Variants in KCNK2 observed in about 807,000 individuals in gnomAD.
KCNK2 encodes the protein potassium two pore domain channel subfamily K member 2.
Under a neutral mutation model 40.5 loss-of-function variants are expected in KCNK2, and 21 were observed. The observed-to-expected ratio is 0.52, with a 90% confidence interval of 0.37 to 0.75. The LOEUF (loss-of-function observed/expected upper bound fraction) is 0.75. Ranked by LOEUF, KCNK2 falls within the 30% of genes least tolerant of loss-of-function variation. KCNK2 has a pLI of 0.00. For synonymous variants in KCNK2, 191 were observed against 202.2 expected (o/e 0.94, Z 0.47); for missense variants, 399 against 531.6 (o/e 0.75, Z 2.45).
chr1:215,122,740 C>CTTTTTTTTTTTTTTTTTTTTT (rs564207038), intron 2 of KCNK2, among the ~76,000 whole-genome samples: 2 of 120,356 alleles, frequency 1.7e-5, no homozygotes, highest in Non-Finnish European at 1.7e-5. Flanking sequence ...CATTCATAAT[C>CTTTTTTTTTTTTTTTTTTTTT]TTTTTTTTTT....
chr1:215,022,106 C>CCTATCTATCTATCTATCCATCTAT (rs1656818036), intron 1 of KCNK2, among the ~76,000 whole-genome samples: 1 of 109,186 alleles, frequency 9.2e-6, no homozygotes. Context: ...TAAATCCCCT[C>CCTATCTATCTATCTATCCATCTAT]CTATCTATCT....
intron 1 of KCNK2, among the ~76,000 whole-genome samples, chr1:215,016,848 C>T (rs1656605894): frequency 1.3e-5 from 2 of 152,020 alleles, no homozygotes; most frequent in South Asian, 4.1e-4. Context: ...AAACCATTCA[C>T]TAATAAGGGG....
chr1:215,029,533 A>C (rs1034825561), intron 1 of KCNK2, among the ~76,000 whole-genome samples: 1 of 147,192 alleles, frequency 6.8e-6, no homozygotes, highest in African/African-American at 2.5e-5. Context: ...TTTAAATATA[A>C]ATATATCCAA....
chr1:215,036,785 TTG>T (rs1657400775), intron 1 of KCNK2, among the ~76,000 whole-genome samples: 1 of 151,940 alleles, frequency 6.6e-6, no homozygotes, highest in Non-Finnish European at 1.5e-5. Flanking sequence ...TTTGATGTTT[TTG>T]TGTGTGTTAT....
intron 2 of KCNK2, among the ~76,000 whole-genome samples, chr1:215,096,986 T>C (rs1348033231): frequency 6.6e-6 from 1 of 151,908 alleles, no homozygotes; most frequent in Non-Finnish European, 1.5e-5. Context: ...TCCTTAGAGA[T>C]AGAAAACCCA....
chr1:215,082,933 G>GGCT lies in KCNK2; in HGVS notation c.-450_-448dup, dbSNP rs1558081999. Among the ~76,000 whole-genome samples the GGCT allele has an allele frequency of 6.7e-6, 1 of 150,236 alleles. No individual in the cohort carries two copies. The highest frequency in any genetic ancestry group is 6.6e-5 in the Admixed American group (1 of 15,058). On this transcript the variant is annotated 5_prime_UTR_variant, in exon 1 of 7. Coordinates refer to ENST00000444842, the MANE Select transcript of KCNK2 (RefSeq NM_001017425.3). ...AGACGCCGGGGCGCACGGCAGCTGGGGCTGCACCCACCGCCCCCGCGCCGC... is the reference window on the plus strand; with the variant it reads ...AGACGCCGGGGCGCACGGCAGCTGGGGCTGCTGCACCCACCGCCCCCGCGCCGC...
rs1659232710 is a variant in KCNK2, at chr1:215,082,977, C to T, written c.-409C>T. The stretch of plus-strand genomic sequence containing the variant: ...GCGCCGCGCCGTGCCGGGGCCGGGC[C>T]AGCGAGCAGCCCGGGGCTGAGCGCG... On this transcript the variant is annotated 5_prime_UTR_variant, in exon 1 of 7. Transcript: ENST00000444842. 6.8e-6 allele frequency: 1 copy of T among 147,534 alleles called. No homozygotes were observed. Among genetic ancestry groups the T allele is most frequent in the Non-Finnish European group, 1.5e-5 (1 of 66,466 alleles). 9.1% of individuals were successfully genotyped at this position (147,534 alleles called of 1,614,324 possible). A position where few individuals can be genotyped will look rare whatever the true frequency, so the allele number is the denominator to read the frequency against.
At chr1:215,127,850 A>G (rs1661499754) in intron 3 of KCNK2, among the ~76,000 whole-genome samples, 1 of 152,254 alleles carries the variant, frequency 6.6e-6, no homozygotes, top group Non-Finnish European at 1.5e-5. Context: ...TGGAAATTAC[A>G]TAACACCATA....
rs1320328887 is a variant in KCNK2, at chr1:215,038,101, AC to A, written c.34+32148del. ...GGGGCAAGAGCAGAAAATTCAGTCT[AC>A]CTTTTTATCTTCAACTCTTTATCTT... On this transcript the variant is annotated intron_variant, in intron 1 of 6. Coordinates refer to the KCNK2 transcript ENST00000391895. Among the ~76,000 whole-genome samples, 15 of 152,034 alleles carry A rather than the reference AC, an allele frequency of 9.9e-5. No homozygotes were observed. The East Asian group carries it at 2.9e-3, about 29-fold the overall frequency.
Position 215,124,645 on chromosome 1 carries a change from G to A in KCNK2, c.370G>A (p.Ala124Thr), listed in dbSNP as rs1661337530. The A allele has an allele frequency of 1.2e-6, 2 of 1,605,214 alleles. No individual in the cohort carries two copies. The highest frequency in any genetic ancestry group is 2.2e-5 in the South Asian group (2 of 90,886). Residue 124 changes from alanine to threonine, a missense_variant, in exon 3 of 7, where the codon GCA becomes ACA. Ala to Thr is a moderately conservative substitution (Grantham distance 58). Coordinates refer to ENST00000444842, the MANE Select transcript of KCNK2 (RefSeq NM_001017425.3). ...TTTAAACTTGCAGCAAATAGTGGCAGCAATAAATGCAGGGATTATACCGTT... is the reference window on the plus strand; with the variant it reads ...TTTAAACTTGCAGCAAATAGTGGCAACAATAAATGCAGGGATTATACCGTT... ...LDELIQQIVA[A>T]INAGIIPLGN...
chr1:215,074,481 C>G (rs1658865307), intron 1 of KCNK2, among the ~76,000 whole-genome samples: 1 of 152,268 alleles, frequency 6.6e-6, no homozygotes, highest in Non-Finnish European at 1.5e-5. Flanking sequence ...CTTCATAAAG[C>G]CACATTCAGT....
intron 6 of KCNK2, among the ~76,000 whole-genome samples, chr1:215,230,546 C>CATAACAGCCATATATATATATATATAT (rs1558150367): frequency 2.8e-4 from 32 of 115,346 alleles, no homozygotes; most frequent in African/African-American, 6.4e-4. Context: ...TATATATACA[C>CATAACAGCCATATATATATATATATAT]ACACATAACA....
chr1:215,172,902 C>T (rs1663781409), intron 5 of KCNK2, among the ~76,000 whole-genome samples: 1 of 151,978 alleles, frequency 6.6e-6, no homozygotes, highest in African/African-American at 2.4e-5. Context: ...GGTGCCTCAG[C>T]CTCTGAAAGT....
intron 3 of KCNK2, among the ~76,000 whole-genome samples, chr1:215,147,586 C>G (rs568713421): frequency 9.9e-5 from 15 of 152,282 alleles, no homozygotes; most frequent in Admixed American, 3.3e-4. Flanking sequence ...AATCCCAGCA[C>G]TTTGGGAAGC....
At chr1:215,169,587 A>G (rs980769364) in intron 4 of KCNK2, among the ~76,000 whole-genome samples, 17 of 152,028 alleles carry the variant, frequency 1.1e-4, no homozygotes, top group Admixed American at 1.1e-3. Flanking sequence ...AAACAGAAAA[A>G]AGTAGGAATT....
intron 1 of KCNK2, among the ~76,000 whole-genome samples, chr1:215,076,441 C>T (rs1432467600): frequency 6.6e-6 from 1 of 152,196 alleles, no homozygotes; most frequent in Non-Finnish European, 1.5e-5. Context: ...TTACTGTCCT[C>T]TCCAGGCTTG....
intron 6 of KCNK2, among the ~76,000 whole-genome samples, chr1:215,224,590 T>C (rs1260786070): frequency 6.6e-6 from 1 of 152,142 alleles, no homozygotes; most frequent in East Asian, 1.9e-4. Flanking sequence ...GAAAATTTTC[T>C]TTAAATCATG....
intron 1 of KCNK2, among the ~76,000 whole-genome samples, chr1:215,027,867 T>G (rs1485863231): frequency 6.6e-6 from 1 of 152,192 alleles, no homozygotes; most frequent in Non-Finnish European, 1.5e-5. Flanking sequence ...AACAAAAGTT[T>G]CTTTAGTTTA....
chr1:215,221,479 A>G (rs1459784152), intron 6 of KCNK2, among the ~76,000 whole-genome samples: 17 of 152,240 alleles, frequency 1.1e-4, no homozygotes, highest in Admixed American at 1.1e-3. Flanking sequence ...TATTTTGTAT[A>G]ATTATTATGT....
Sources: gnomAD v4.1 joint callset for allele counts (sites outside exome capture counted in the v4.1 genomes callset) on GRCh38, gnomAD v4.1.1 for gene constraint, MANE v1.5 for transcripts, NCBI Gene and HGNC (gene_info 2026-07-23, HGNC 2026-07-21) for gene names.